CHLSN: variants seen among roughly 807,000 people sequenced by gnomAD.
CHLSN encodes protein cholesin.
At chr7:1,089,192 CAG>C in the CHLSN span, among the ~76,000 whole-genome samples, 1 of 152,196 alleles carries the variant, frequency 6.6e-6, no homozygotes, top group Non-Finnish European at 1.5e-5. Context: ...ACCTTCCCGA[CAG>C]AGCCTGAGAG....
chr7:1,135,790 T>C, the CHLSN span, among the ~76,000 whole-genome samples: 5 of 90,820 alleles, frequency 5.5e-5, no homozygotes, highest in African/African-American at 2.0e-4. Flanking sequence ...TATATATATA[T>C]ATACACAATT....
the CHLSN span, chr7:1,092,851 G>A: frequency 1.4e-5 from 23 of 1,611,536 alleles, no homozygotes; most frequent in East Asian, 8.9e-5. Flanking sequence ...CAGCAGTGCC[G>A]TGTAGACAGC....
At chr7:996,130 G>C in the CHLSN span, among the ~76,000 whole-genome samples, 176 of 152,364 alleles carry the variant, frequency 1.2e-3, no homozygotes, top group African/African-American at 4.0e-3. Context: ...GCCAGTCACC[G>C]CTCTGAGGTG....
chr7:1,135,945 AT>A, the CHLSN span, among the ~76,000 whole-genome samples: 3 of 125,086 alleles, frequency 2.4e-5, no homozygotes, highest in African/African-American at 9.9e-5. Context: ...ATAAGTATAT[AT>A]AAATATATAT....
At chr7:1,044,763 G>GCGCTT in the CHLSN span, 1 of 152,056 alleles carries the variant, frequency 6.6e-6, no homozygotes, top group Non-Finnish European at 1.5e-5. Flanking sequence ...GGCGGGCGCT[G>GCGCTT]CGCTTACTGG....
chr7:1,022,056 G>A, the CHLSN span, among the ~76,000 whole-genome samples: 1 of 152,216 alleles, frequency 6.6e-6, no homozygotes, highest in African/African-American at 2.4e-5. Context: ...GACAGGCCAT[G>A]TCCTGGAGCA....
At chr7:1,099,262 C>G in the CHLSN span, among the ~76,000 whole-genome samples, 2 of 152,268 alleles carry the variant, frequency 1.3e-5, no homozygotes, top group Non-Finnish European at 2.9e-5. Context: ...AGCGGCCTCC[C>G]CTTCCGGAGC....
At chr7:1,041,421 G>A in the CHLSN span, among the ~76,000 whole-genome samples, 2 of 148,420 alleles carry the variant, frequency 1.3e-5, no homozygotes, top group Non-Finnish European at 3.0e-5. Context: ...CGGGACCTGG[G>A]GTCCGCGCTG....
the CHLSN span, among the ~76,000 whole-genome samples, chr7:990,826 C>A: frequency 1.3e-5 from 2 of 152,278 alleles, no homozygotes; most frequent in East Asian, 3.9e-4. Context: ...ACGCGACGCC[C>A]CGCCCAGTGT....
the CHLSN span, chr7:1,092,709 C>T: frequency 7.4e-6 from 12 of 1,613,404 alleles, no homozygotes; most frequent in Non-Finnish European, 9.3e-6. Context: ...ACAGCTTTCT[C>T]GGGGAGACCT....
At chr7:1,041,261 T>C in the CHLSN span, among the ~76,000 whole-genome samples, 4,820 of 127,736 alleles carry the variant, frequency 0.038, 347 homozygotes, top group Middle Eastern at 0.1. Flanking sequence ...GGCTCCGCGC[T>C]GCGGGGAAGG....
the CHLSN span, among the ~76,000 whole-genome samples, chr7:1,070,252 G>C: frequency 1.5e-3 from 209 of 143,154 alleles, 1 homozygote; most frequent in African/African-American, 5.4e-3. Context: ...GTCCGGGAGG[G>C]AGGTGGGGGG....
At chr7:1,037,036 G>C in the CHLSN span, among the ~76,000 whole-genome samples, 1 of 146,194 alleles carries the variant, frequency 6.8e-6, no homozygotes, top group Non-Finnish European at 1.5e-5. Context: ...GCTTGAGCCT[G>C]GGAGGCGGAG....
chr7:1,113,538 G>A, the CHLSN span, among the ~76,000 whole-genome samples: 34 of 152,134 alleles, frequency 2.2e-4, no homozygotes, highest in Admixed American at 1.4e-3. Context: ...GGGTCACCAC[G>A]CCCCACAGGA....
the CHLSN span, among the ~76,000 whole-genome samples, chr7:1,135,599 T>G: frequency 6.6e-6 from 1 of 151,236 alleles, no homozygotes; most frequent in Non-Finnish European, 1.5e-5. Flanking sequence ...AAACCCCATC[T>G]TTACTGAAAA....
the CHLSN span, among the ~76,000 whole-genome samples, chr7:1,011,281 C>T: frequency 6.8e-6 from 1 of 146,338 alleles, no homozygotes; most frequent in Admixed American, 6.8e-5. Flanking sequence ...ACCCAGATAC[C>T]CACACATAGA....
the CHLSN span, among the ~76,000 whole-genome samples, chr7:1,117,623 A>T: frequency 1.4e-4 from 19 of 135,850 alleles, no homozygotes; most frequent in Admixed American, 6.5e-4. Context: ...CTCACGCAGG[A>T]TGATGACATC....
At chr7:1,060,167 C>T in the CHLSN span, among the ~76,000 whole-genome samples, 1 of 152,254 alleles carries the variant, frequency 6.6e-6, no homozygotes, top group Non-Finnish European at 1.5e-5. Context: ...GAAAAGCCCC[C>T]ATTCCTCCCC....
chr7:1,046,942 C>T, the CHLSN span, among the ~76,000 whole-genome samples: 263 of 152,354 alleles, frequency 1.7e-3, 1 homozygote, highest in Middle Eastern at 3.4e-3. Flanking sequence ...GTTAAGGCCA[C>T]GCCTAGTAAA....
Sources: allele counts gnomAD v4.1 joint callset (sites outside exome capture counted in the v4.1 genomes callset), GRCh38; gene constraint gnomAD v4.1.1; transcripts MANE v1.5; gene names NCBI Gene and HGNC (gene_info 2026-07-23, HGNC 2026-07-21).